KCNQ1: variants seen among roughly 807,000 people sequenced by gnomAD.
KCNQ1 encodes potassium voltage-gated channel subfamily KQT member 1.
A neutral mutation model predicts 72.4 loss-of-function variants in KCNQ1; 49 were observed. The observed-to-expected ratio is 0.68, with a 90% confidence interval of 0.54 to 0.86. The LOEUF (loss-of-function observed/expected upper bound fraction) is 0.86, where lower values mean the gene tolerates loss of function less well. Ranked by LOEUF, KCNQ1 falls within the 40% of genes least tolerant of loss-of-function variation. The pLI is 0.00. For missense variants in KCNQ1, 790 were observed against 945.1 expected (o/e 0.84, Z 2.15); for synonymous variants, 450 against 412.6 (o/e 1.09, Z -1.10).
At chr11:2,504,768 C>G (rs75587420) in intron 1 of KCNQ1, among the ~76,000 whole-genome samples, 1 of 151,966 alleles carries the variant, frequency 6.6e-6, no homozygotes, top group African/African-American at 2.4e-5. Context: ...ATAAATAAGA[C>G]GAAAAGAGTA....
chr11:2,834,176 G>A (rs1848015344), intron 15 of KCNQ1, among the ~76,000 whole-genome samples: 1 of 152,210 alleles, frequency 6.6e-6, no homozygotes, highest in Admixed American at 6.5e-5. Flanking sequence ...GTGGCACATG[G>A]TGTGGCACAT....
rs1203493586 is a variant in KCNQ1, at chr11:2,493,797, GTTC to G, written c.387-34128_387-34126del. ...CAGGTAGTGTGATGCCTCCAGCTTT[GTTC>G]TTTTTACTTAGGATTGTCTTGGCTA... On this transcript the variant is annotated intron_variant, in intron 1 of 15. Transcript: ENST00000155840. This position sits in a 1 kb window ranked among gnomAD's most constrained non-coding sequence, Gnocchi z 5.3. Among the ~76,000 whole-genome samples the G allele has an allele frequency of 6.6e-6, 1 of 152,094 alleles. No homozygotes were observed. Among genetic ancestry groups the G allele is most frequent in the Non-Finnish European group, 1.5e-5 (1 of 67,994 alleles).
In KCNQ1 at chr11:2,445,061, C is replaced by T. The variant is rs886048160; in HGVS notation, c.-38C>T. ...TCGCCTTCGCTGCAGCTCCCGGTGC[C>T]GCCGCTCGGGCCGGCCCCCCGGCAG... On this transcript the variant is annotated 5_prime_UTR_variant, in exon 1 of 16. Coordinates refer to ENST00000155840, the MANE Select transcript of KCNQ1 (RefSeq NM_000218.3). 23 of 1,050,492 alleles carry T rather than the reference C, an allele frequency of 2.2e-5. No individual in the cohort carries two copies. The highest frequency in any genetic ancestry group is 1.1e-5 in the Non-Finnish European group (10 of 872,918). The allele number at this position is 1,050,492 out of a possible 1,614,324, so 65.1% of individuals were successfully genotyped here.
intron 11 of KCNQ1, among the ~76,000 whole-genome samples, chr11:2,718,922 C>T (rs565114079): frequency 6.6e-6 from 1 of 152,364 alleles, no homozygotes; most frequent in Admixed American, 6.5e-5. Context: ...GTCAGGAAGT[C>T]CATTCAAATG....
intron 1 of KCNQ1, among the ~76,000 whole-genome samples, chr11:2,460,071 T>G (rs1846251453): frequency 6.6e-6 from 1 of 152,200 alleles, no homozygotes; most frequent in Non-Finnish European, 1.5e-5. Flanking sequence ...CTTGGTGTCC[T>G]GACTGCCACC....
intron 10 of KCNQ1, chr11:2,616,709 G>T (rs767958466): frequency 6.0e-5 from 24 of 398,124 alleles, no homozygotes; most frequent in Non-Finnish European, 1.0e-4. Flanking sequence ...TTTTTCTTCT[G>T]TTACAGATTT....
In KCNQ1 at chr11:2,652,772, A is replaced by G; in HGVS notation, c.1394-9189A>G. ...GGCTCTGTCACTGCCTGTCTTCCTC[A>G]GCGCCCCCGCTACTCAGACCCCACC... is the stretch of plus-strand genomic sequence containing the variant. On this transcript the variant is annotated intron_variant, in intron 10 of 15. Coordinates refer to ENST00000155840, the MANE Select transcript of KCNQ1 (RefSeq NM_000218.3). The surrounding 1 kb of genome is among the most constrained non-coding windows in gnomAD (Gnocchi z 5.9). 1 of 399,068 alleles carries G rather than the reference A, an allele frequency of 2.5e-6. No individual in the cohort carries two copies. The highest frequency in any genetic ancestry group is 3.6e-5 in the East Asian group (1 of 28,084). 24.7% of individuals were successfully genotyped at this position (399,068 alleles called of 1,614,324 possible). A position where few individuals can be genotyped will look rare whatever the true frequency, so the allele number is the denominator to read the frequency against.
At chr11:2,646,964 T>A (rs1849675997) in intron 10 of KCNQ1, 1 of 398,528 alleles carries the variant, frequency 2.5e-6, no homozygotes, top group African/African-American at 2.1e-5. Flanking sequence ...CTTTTCCAAT[T>A]TGGATACCCT....
chr11:2,718,963 A>T (rs989586835), intron 11 of KCNQ1, among the ~76,000 whole-genome samples: 8 of 152,242 alleles, frequency 5.3e-5, no homozygotes, highest in Non-Finnish European at 1.2e-4. Flanking sequence ...AGAGTTACTG[A>T]ATCCCCACCC....
chr11:2,467,688 C>A (rs1273811571), intron 1 of KCNQ1, among the ~76,000 whole-genome samples: 1 of 152,148 alleles, frequency 6.6e-6, no homozygotes, highest in African/African-American at 2.4e-5. Flanking sequence ...GAGACACCTG[C>A]CCCCCACGTC....
chr11:2,664,601 T>G lies in KCNQ1; in HGVS notation c.1514+2520T>G. 1 of 398,706 alleles carries G rather than the reference T, an allele frequency of 2.5e-6. No homozygotes were observed. The highest frequency in any genetic ancestry group is 4.4e-6 in the Non-Finnish European group (1 of 226,146). 24.7% of individuals were successfully genotyped at this position (398,706 alleles called of 1,614,324 possible). A position where few individuals can be genotyped will look rare whatever the true frequency, so the allele number is the denominator to read the frequency against. On this transcript the variant is annotated intron_variant, in intron 11 of 15. Coordinates refer to ENST00000155840, the MANE Select transcript of KCNQ1 (RefSeq NM_000218.3). The surrounding 1 kb of genome is among the most constrained non-coding windows in gnomAD (Gnocchi z 5.1). ...ATTGGGGCTGCATTCCTCCACCTCC[T>G]GCACAGCCCGCCCAGTGATGCCCAT...
At chr11:2,580,315 AGAAGCC>A in intron 6 of KCNQ1, among the ~76,000 whole-genome samples, 1 of 152,140 alleles carries the variant, frequency 6.6e-6, no homozygotes, top group African/African-American at 2.4e-5. Context: ...CCCCTGACGG[AGAAGCC>A]TGGCTCGTGG....
At chr11:2,628,808 G>T (rs1301149641) in intron 10 of KCNQ1, 1 of 398,268 alleles carries the variant, frequency 2.5e-6, no homozygotes, top group Non-Finnish European at 4.4e-6. Flanking sequence ...GTAGGGTAAG[G>T]TTCCAATTTA....
rs1197927918 is a variant in KCNQ1, at chr11:2,463,720, C to T, written c.386+18236C>T. On this transcript the variant is annotated intron_variant, in intron 1 of 15. Coordinates refer to ENST00000155840, the MANE Select transcript of KCNQ1 (RefSeq NM_000218.3). This position sits in a 1 kb window ranked among gnomAD's most constrained non-coding sequence, Gnocchi z 7.0. Reference sequence around the variant, plus strand: ...TGGGTGCCCAGGCCGAGATGTGAACCCTGAGTTTGTGCAACTCGAGTTTCA... The same window carrying T: ...TGGGTGCCCAGGCCGAGATGTGAACTCTGAGTTTGTGCAACTCGAGTTTCA... 6.6e-6 allele frequency among the ~76,000 whole-genome samples: 1 copy of T among 152,192 alleles called. No homozygotes were observed. Among genetic ancestry groups the T allele is most frequent in the Non-Finnish European group, 1.5e-5 (1 of 68,024 alleles).
chr11:2,632,064 T>C, intron 10 of KCNQ1: 2 of 395,892 alleles, frequency 5.1e-6, no homozygotes, highest in Non-Finnish European at 8.9e-6. Flanking sequence ...GTGCCTGTAG[T>C]CCCAGCTACT....
intron 1 of KCNQ1, among the ~76,000 whole-genome samples, chr11:2,467,917 G>T (rs1314081515): frequency 6.6e-6 from 1 of 152,202 alleles, no homozygotes; most frequent in Non-Finnish European, 1.5e-5. Flanking sequence ...CCTTCCACCT[G>T]GTTAGGGACA....
intron 1 of KCNQ1, among the ~76,000 whole-genome samples, chr11:2,452,055 C>T (rs762253490): frequency 3.3e-5 from 5 of 152,206 alleles, no homozygotes; most frequent in East Asian, 3.9e-4. Flanking sequence ...TCTGTGCCTG[C>T]GTCCTGGCAG....
intron 15 of KCNQ1, among the ~76,000 whole-genome samples, chr11:2,838,163 G>T (rs1245458334): frequency 6.6e-6 from 1 of 152,254 alleles, no homozygotes; most frequent in Non-Finnish European, 1.5e-5. Flanking sequence ...AACACCACCA[G>T]TAGGGACCAG....
intron 14 of KCNQ1, 64 bp downstream of exon 14, chr11:2,777,096 C>G (rs921736920): frequency 6.7e-7 from 1 of 1,491,690 alleles, no homozygotes; most frequent in African/African-American, 1.4e-5. Context: ...GCACCTCTGC[C>G]CTCCTGGCTC....
Sources: allele counts gnomAD v4.1 joint callset (sites outside exome capture counted in the v4.1 genomes callset), GRCh38; gene constraint gnomAD v4.1.1; non-coding constraint Gnocchi (gnomAD v3.1); transcripts MANE v1.5; gene names NCBI Gene and HGNC (gene_info 2026-07-23, HGNC 2026-07-21).